The following RANBP3 variants were observed in gnomAD, a reference collection of about 807,000 sequenced individuals.
RANBP3 encodes the protein ran-binding protein 3.
Under a neutral mutation model 77.3 loss-of-function variants are expected in RANBP3, and 14 were observed. The ratio of observed to expected loss-of-function variants is 0.18; its 90% confidence interval spans 0.12 to 0.28. RANBP3 has a LOEUF of 0.28. RANBP3 is among the 10% of genes least tolerant of loss of function. The pLI is 1.00. For synonymous variants in RANBP3, 315 were observed against 312.4 expected (o/e 1.01, Z -0.09); for missense variants, 586 against 752.3 (o/e 0.78, Z 2.59).
intron 8 of RANBP3, among the ~76,000 whole-genome samples, chr19:5,928,895 A>G (rs2057950061): frequency 6.6e-6 from 1 of 152,350 alleles, no homozygotes; most frequent in South Asian, 2.1e-4. Flanking sequence ...TAGAATTTGA[A>G]AAGAAATTTT....
intron 1 of RANBP3, among the ~76,000 whole-genome samples, chr19:5,963,215 C>T (rs1409719259): frequency 6.6e-6 from 1 of 152,190 alleles, no homozygotes; most frequent in Non-Finnish European, 1.5e-5. Context: ...GTAAAAAATG[C>T]AGTCTGTCTG....
chr19:5,974,643 C>A (rs189987600), intron 1 of RANBP3, among the ~76,000 whole-genome samples: 3 of 152,174 alleles, frequency 2.0e-5, no homozygotes, highest in African/African-American at 7.2e-5. Context: ...CGAGGGCCAA[C>A]AAGATGCTTT....
intron 6 of RANBP3, chr19:5,932,907 C>T (rs1049128031): frequency 1.3e-5 from 4 of 302,466 alleles, no homozygotes; most frequent in African/African-American, 4.4e-5. Flanking sequence ...CGTACAGGCA[C>T]ATTTTGCACC....
chr19:5,956,465 T>C (rs915841753), intron 2 of RANBP3, among the ~76,000 whole-genome samples: 1 of 152,246 alleles, frequency 6.6e-6, no homozygotes, highest in African/African-American at 2.4e-5. Flanking sequence ...CAGATTTATC[T>C]TGGAAATACC....
At chr19:5,918,715 A>G in intron 14 of RANBP3, 77 bp from the exon 15 acceptor site, 1 of 1,538,804 alleles carries the variant, frequency 6.5e-7, no homozygotes, top group Non-Finnish European at 8.8e-7. Context: ...GAGCCAACAC[A>G]GTCCAGATGG....
At chr19:5,938,665 C>T (rs1197146914) in intron 5 of RANBP3, among the ~76,000 whole-genome samples, 1 of 152,262 alleles carries the variant, frequency 6.6e-6, no homozygotes, top group African/African-American at 2.4e-5. Context: ...GCACTCCAGC[C>T]TGGGGGACAA....
rs201521234 is a variant in RANBP3, at chr19:5,925,681, T to C, written c.870A>G (p.Ala290=). Residue 290 remains alanine, a synonymous_variant, in exon 10 of 17, where the codon GCA becomes GCG. Coordinates refer to ENST00000340578, the MANE Select transcript of RANBP3 (RefSeq NM_007322.3). ...AATAGTTCGTTGCGGTTGGCGTGTCTGCGCTGGGGTGTCCAGCATTCTCCA... is the reference window on the plus strand; with the variant it reads ...AATAGTTCGTTGCGGTTGGCGTGTCCGCGCTGGGGTGTCCAGCATTCTCCA... ...ADMENAGHPS[A]DTPTATNYFL... is the part of the protein sequence containing the mutation. The C allele has an allele frequency of 3.7e-6, 6 of 1,613,840 alleles. No individual in the cohort carries two copies. The African/African-American group carries it at 8.0e-5, about 22-fold the overall frequency.
chr19:5,921,001 G>A lies in RANBP3; in HGVS notation c.1330+200C>T. On this transcript the variant is annotated intron_variant, in intron 14 of 16. Coordinates refer to ENST00000340578, the MANE Select transcript of RANBP3 (RefSeq NM_007322.3). This position sits in a 1 kb window ranked among gnomAD's most constrained non-coding sequence, Gnocchi z 5.3. ...AGGGTCACGGACGAGCTGGCAGCTG[G>A]AGCCAGTGTGTGAGGGTGGTGTTGA... The A allele has an allele frequency of 2.2e-6, 1 of 464,372 alleles. No homozygotes were observed. The highest frequency in any genetic ancestry group is 3.6e-6 in the Non-Finnish European group (1 of 273,984). The allele number at this position is 464,372 out of a possible 1,614,324, so 28.8% of individuals were successfully genotyped here.
chr19:5,934,077 C>A (rs2058033032), intron 5 of RANBP3: 1 of 152,256 alleles, frequency 6.6e-6, no homozygotes, highest in Admixed American at 6.5e-5. Flanking sequence ...TCCCCCTGGG[C>A]CAGAGTCCGG....
chr19:5,928,290 C>G, intron 8 of RANBP3: 1 of 463,718 alleles, frequency 2.2e-6, no homozygotes, highest in Non-Finnish European at 3.6e-6. Flanking sequence ...CACTGCACTC[C>G]AGCCTGGGTG....
intron 5 of RANBP3, among the ~76,000 whole-genome samples, chr19:5,937,276 C>T (rs1054531489): frequency 1.3e-5 from 2 of 151,978 alleles, no homozygotes; most frequent in East Asian, 1.9e-4. Flanking sequence ...GCACCCTGAT[C>T]GAGGAGCACG....
chr19:5,974,131 T>C (rs956252269), intron 1 of RANBP3, among the ~76,000 whole-genome samples: 1 of 151,922 alleles, frequency 6.6e-6, no homozygotes, highest in Non-Finnish European at 1.5e-5. Context: ...AGTGAGTAGG[T>C]CCAAGGATGC....
chr19:5,947,313 CAA>C (rs74173074), intron 3 of RANBP3, among the ~76,000 whole-genome samples: 16 of 77,758 alleles, frequency 2.1e-4, no homozygotes, highest in Admixed American at 4.4e-4. Flanking sequence ...GACTCTGTCT[CAA>C]AAAAAAAAAA....
At chr19:5,970,599 C>G (rs915460247) in intron 1 of RANBP3, among the ~76,000 whole-genome samples, 3 of 151,952 alleles carry the variant, frequency 2.0e-5, no homozygotes, top group Non-Finnish European at 1.5e-5. Flanking sequence ...GAGGGGCTAC[C>G]CAACATCCTC....
intron 2 of RANBP3, among the ~76,000 whole-genome samples, chr19:5,956,049 G>C (rs752662630): frequency 2.8e-4 from 42 of 152,258 alleles, no homozygotes; most frequent in Non-Finnish European, 4.7e-4. Context: ...CAAGACTGCA[G>C]TGAATTATGA....
chr19:5,972,505 T>C (rs977010723), intron 1 of RANBP3, among the ~76,000 whole-genome samples: 3 of 152,060 alleles, frequency 2.0e-5, no homozygotes, highest in African/African-American at 4.8e-5. Flanking sequence ...AGACCCTGAA[T>C]AGATAATGAT....
Position 5,922,821 on chromosome 19 carries a change from T to A in RANBP3, c.1209+373A>T, listed in dbSNP as rs1028009468. On this transcript the variant is annotated intron_variant, in intron 13 of 16. Coordinates refer to ENST00000340578, the MANE Select transcript of RANBP3 (RefSeq NM_007322.3). Reference sequence around the variant, plus strand: ...CTGGCGTGGTGGTGCACACCTGTAATCCCAGCTACTCAGGCGACTGAGGCA... The same window carrying A: ...CTGGCGTGGTGGTGCACACCTGTAAACCCAGCTACTCAGGCGACTGAGGCA... Among the ~76,000 whole-genome samples, 16 of 152,152 alleles carry A rather than the reference T, an allele frequency of 1.1e-4. No homozygotes were observed. The East Asian group carries it at 3.1e-3, about 29-fold the overall frequency.
At position 5,951,530 on chromosome 19, in the gene RANBP3, G is replaced by A; in HGVS notation, c.145C>T (p.His49Tyr). Residue 49 changes from histidine (H) to tyrosine (Y), a missense_variant, in exon 3 of 17, where the codon CAC (histidine) becomes TAC (tyrosine). His to Tyr is a moderately conservative substitution (Grantham distance 83, BLOSUM62 2). Coordinates refer to ENST00000340578, the MANE Select transcript of RANBP3 (RefSeq NM_007322.3). Reference sequence around the variant, plus strand: ...GACTCGGGGTGACCCGTGCCATGGTGGGGGGCCTCAGCCTCCCCCCGAGGC... The same window carrying A: ...GACTCGGGGTGACCCGTGCCATGGTAGGGGGCCTCAGCCTCCCCCCGAGGC... ...EEPRGEAEAP[H>Y]HGTGHPESAG... 6.2e-7 allele frequency: 1 copy of A among 1,612,324 alleles called. No individual in the cohort carries two copies. The highest frequency in any genetic ancestry group is 8.5e-7 in the Non-Finnish European group (1 of 1,179,040).
intron 9 of RANBP3, among the ~76,000 whole-genome samples, chr19:5,926,773 A>T (rs1480606262): frequency 3.3e-5 from 5 of 152,110 alleles, no homozygotes; most frequent in Non-Finnish European, 7.4e-5. Context: ...TGGAGGGAAC[A>T]GCCCCTGAGG....
Sources: allele counts gnomAD v4.1 joint callset (sites outside exome capture counted in the v4.1 genomes callset), GRCh38; gene constraint gnomAD v4.1.1; non-coding constraint Gnocchi (gnomAD v3.1); transcripts MANE v1.5; gene names NCBI Gene and HGNC (gene_info 2026-07-23, HGNC 2026-07-21).